MYO16: variants seen among roughly 807,000 people sequenced by gnomAD.
MYO16 encodes unconventional myosin-XVI.
MYO16 carries 94 observed loss-of-function variants against 205.3 expected under a neutral mutation model. The observed-to-expected ratio is 0.46, with a 90% CI of 0.39 to 0.54. MYO16 has a LOEUF of 0.54. Among genes scored for constraint, MYO16 ranks in the 20% least tolerant of loss-of-function variants. The probability of loss-of-function intolerance (pLI) is 0.00; values close to 1 mark genes in which losing one functional copy is unlikely to be tolerated. For missense variants in MYO16, 2,315 were observed against 2,387.5 expected (o/e 0.97, Z 0.63); for synonymous variants, 988 against 954.0 (o/e 1.04, Z -0.66).
At chr13:108,766,311 T>C (rs1885775160) in intron 4 of MYO16, among the ~76,000 whole-genome samples, 1 of 152,202 alleles carries the variant, frequency 6.6e-6, no homozygotes, top group Non-Finnish European at 1.5e-5. Flanking sequence ...AGATAGCCTG[T>C]CCTGAGATGT....
intron 9 of MYO16, among the ~76,000 whole-genome samples, chr13:108,828,720 A>T (rs1030889046): frequency 6.6e-6 from 1 of 152,114 alleles, no homozygotes; most frequent in Non-Finnish European, 1.5e-5. Context: ...CAGGCTCGAG[A>T]TGGAGTTCAA....
At chr13:109,074,391 T>TGCA (rs1486816664) in intron 27 of MYO16, among the ~76,000 whole-genome samples, 1 of 152,190 alleles carries the variant, frequency 6.6e-6, no homozygotes, top group Non-Finnish European at 1.5e-5. Flanking sequence ...TAAGTTTAAT[T>TGCA]GACTCTCAGT....
intron 16 of MYO16, among the ~76,000 whole-genome samples, chr13:108,951,692 A>G (rs925825532): frequency 1.3e-5 from 2 of 152,238 alleles, no homozygotes; most frequent in African/African-American, 4.8e-5. Flanking sequence ...CAGTATATAA[A>G]TTAATAAACA....
At chr13:109,156,963 T>A (rs1472761508) in intron 32 of MYO16, among the ~76,000 whole-genome samples, 1 of 152,134 alleles carries the variant, frequency 6.6e-6, no homozygotes, top group Admixed American at 6.5e-5. Context: ...AAATTGCCAC[T>A]CAATTTAATC....
intron 2 of MYO16, among the ~76,000 whole-genome samples, chr13:108,708,881 G>A (rs1197354882): frequency 1.3e-5 from 2 of 152,182 alleles, no homozygotes; most frequent in African/African-American, 4.8e-5. Context: ...AAGCAGCTGT[G>A]TAGTCTATTA....
At position 109,165,065 on chromosome 13, in the gene MYO16, C is replaced by A; in HGVS notation, c.5323+6C>A. ...TGGAAATTCCATCTCAAATGGTAAG[C>A]ACTTTTTAAACTCAGAAGTAAATGT... On this transcript the variant is annotated splice_donor_region_variant and intron_variant, in intron 33 of 34. Coordinates refer to ENST00000457511, the MANE Select transcript of MYO16 (RefSeq NM_001198950.3). The A allele has an allele frequency of 6.3e-7, 1 of 1,586,982 alleles. No homozygotes were observed.
At chr13:108,860,124 A>G (rs940469868) in intron 11 of MYO16, among the ~76,000 whole-genome samples, 8 of 149,610 alleles carry the variant, frequency 5.3e-5, no homozygotes, top group African/African-American at 1.5e-4. Flanking sequence ...TATTAAGTCC[A>G]GTACCCAATA....
At chr13:109,003,681 A>T (rs1484102448) in intron 21 of MYO16, among the ~76,000 whole-genome samples, 1 of 152,232 alleles carries the variant, frequency 6.6e-6, no homozygotes, top group East Asian at 1.9e-4. Flanking sequence ...CCAGGGGATC[A>T]ATTCAGTGAA....
intron 20 of MYO16, among the ~76,000 whole-genome samples, chr13:108,991,071 C>A (rs751783754): frequency 6.6e-6 from 1 of 152,176 alleles, no homozygotes; most frequent in Non-Finnish European, 1.5e-5. Context: ...ATTACGACAG[C>A]AGTTGTCCCA....
chr13:108,951,920 A>G (rs964549359), intron 16 of MYO16, among the ~76,000 whole-genome samples: 2 of 152,098 alleles, frequency 1.3e-5, no homozygotes, highest in Non-Finnish European at 2.9e-5. Context: ...CCTTGCCAAC[A>G]TGGCGAAATG....
the MYO16 span, among the ~76,000 whole-genome samples, chr13:108,509,317 G>A: frequency 6.6e-6 from 1 of 152,146 alleles, no homozygotes; most frequent in African/African-American, 2.4e-5. Flanking sequence ...ACAGAAACTA[G>A]AGAAAGGGTT....
At chr13:108,684,942 C>T (rs970820726) in intron 2 of MYO16, among the ~76,000 whole-genome samples, 3 of 151,814 alleles carry the variant, frequency 2.0e-5, no homozygotes, top group Non-Finnish European at 4.4e-5. Context: ...AAATGGTAAA[C>T]GTAAGTCAAG....
chr13:108,756,506 C>T (rs1314038518), intron 4 of MYO16, among the ~76,000 whole-genome samples: 2 of 151,968 alleles, frequency 1.3e-5, no homozygotes, highest in East Asian at 3.9e-4. Context: ...AATTATATTC[C>T]TTCTTAAAAA....
At chr13:108,798,706 T>A (rs1175787793) in intron 6 of MYO16, among the ~76,000 whole-genome samples, 21 of 127,996 alleles carry the variant, frequency 1.6e-4, no homozygotes, top group Middle Eastern at 4.2e-3. Flanking sequence ...TTTTTTTTTT[T>A]TTTTTTTTTT....
chr13:108,885,438 G>A (rs1879822757), intron 13 of MYO16, among the ~76,000 whole-genome samples: 1 of 152,272 alleles, frequency 6.6e-6, no homozygotes, highest in African/African-American at 2.4e-5. Flanking sequence ...TGGACTCAAG[G>A]ATGAGAAAGG....
intron 27 of MYO16, among the ~76,000 whole-genome samples, chr13:109,066,100 C>T (rs1255478757): frequency 2.0e-5 from 3 of 152,092 alleles, no homozygotes; most frequent in Admixed American, 6.5e-5. Flanking sequence ...AAGGACACAG[C>T]CATGATGTTA....
At chr13:109,044,133 A>C (rs1394624489) in intron 23 of MYO16, among the ~76,000 whole-genome samples, 1 of 145,732 alleles carries the variant, frequency 6.9e-6, no homozygotes, top group East Asian at 1.9e-4. Context: ...ATGACTGACT[A>C]TGATGAAAAA....
chr13:108,712,822 A>C, intron 3 of MYO16, 91 bp downstream of exon 3: 60 of 892,328 alleles, frequency 6.7e-5, no homozygotes, highest in Non-Finnish European at 9.7e-5. Flanking sequence ...TGTACATCTC[A>C]CAGATGATGA....
chr13:108,903,504 A>G (rs1880813625), intron 15 of MYO16, among the ~76,000 whole-genome samples: 1 of 152,184 alleles, frequency 6.6e-6, no homozygotes, highest in South Asian at 2.1e-4. Context: ...TTGAGGATGA[A>G]GACTTCAATA....
Sources: allele counts gnomAD v4.1 joint callset (sites outside exome capture counted in the v4.1 genomes callset), GRCh38; gene constraint gnomAD v4.1.1; transcripts MANE v1.5; gene names NCBI Gene and HGNC (gene_info 2026-07-23, HGNC 2026-07-21).